Variants in PDLIM2 observed in about 807,000 individuals in gnomAD.
PDLIM2 encodes PDZ and LIM domain protein 2.
In PDLIM2, 51 loss-of-function variants were observed where a neutral mutation model predicts 54.1. The ratio of observed to expected loss-of-function variants is 0.94; its 90% CI spans 0.75 to 1.19. The LOEUF is 1.19. Among genes scored for constraint, PDLIM2 ranks in the 50% most tolerant of loss-of-function variants. The pLI is 0.00. For synonymous variants in PDLIM2, 398 were observed against 385.6 expected (o/e 1.03, Z -0.38); for missense variants, 912 against 874.0 (o/e 1.04, Z -0.55).
At chr8:22,589,208 CG>C (rs1394676002) in intron 6 of PDLIM2, 89 bp from the exon 6 acceptor site, 2 of 1,407,548 alleles carry the variant, frequency 1.4e-6, no homozygotes, top group East Asian at 2.5e-5. Flanking sequence ...CCCCTGGTGT[CG>C]GGCCTGGGAA....
intron 1 of PDLIM2, 132 bp from the exon 1 acceptor site, chr8:22,580,343 C>G (rs1800151804): frequency 1.3e-6 from 1 of 776,822 alleles, no homozygotes; most frequent in African/African-American, 1.8e-5. Context: ...CCTGGGCAGC[C>G]CCCTCCTGGG....
downstream of PDLIM2, chr8:22,594,680 C>T (rs1212976078): frequency 6.3e-7 from 1 of 1,593,820 alleles, no homozygotes; most frequent in Non-Finnish European, 8.5e-7. Context: ...ACCGGCCGCC[C>T]ACCAAGGGTT....
At chr8:22,588,887 A>G (rs1211336032) in intron 6 of PDLIM2, 1 of 258,332 alleles carries the variant, frequency 3.9e-6, no homozygotes, top group Non-Finnish European at 7.4e-6. Flanking sequence ...CCTCAGTGCA[A>G]AAGGGCAGCG....
rs1322650622 is a variant in PDLIM2 at position 22,591,328 on chromosome 8, T to G, written c.1514-223T>G. 10 of 581,176 alleles carry G rather than the reference T, an allele frequency of 1.7e-5. No homozygotes were observed. The East Asian group carries it at 2.6e-4, about 15-fold the overall frequency. The allele number at this position is 581,176 out of a possible 1,614,324, so 36.0% of individuals were successfully genotyped here. A position where few individuals can be genotyped will look rare whatever the true frequency, so the allele number is the denominator to read the frequency against. ...TGAGCACAGATGGCCCCAGGTGGCCTTGGATGGGCAAACTCGGCCTTGTAC... is the reference window on the plus strand; with the variant it reads ...TGAGCACAGATGGCCCCAGGTGGCCGTGGATGGGCAAACTCGGCCTTGTAC... On this transcript the variant is annotated intron_variant, in intron 8 of 9. Coordinates refer to ENST00000308354, the Ensembl canonical transcript of PDLIM2.
exon 1 of PDLIM2, chr8:22,579,101 G>A: frequency 7.9e-7 from 1 of 1,272,256 alleles, no homozygotes; most frequent in South Asian, 2.9e-5. Flanking sequence ...GGCGGAGGCA[G>A]GTCCGGGAGC....
At chr8:22,593,891 C>G (rs745991086) in exon 10 of PDLIM2, 2 of 1,548,982 alleles carry the variant, frequency 1.3e-6, no homozygotes, top group Admixed American at 3.9e-5. Context: ...GCACCTGCCA[C>G]CCTCAGCTCT....
exon 7 of PDLIM2, chr8:22,589,314 C>G: frequency 6.5e-7 from 1 of 1,534,118 alleles, no homozygotes; most frequent in Non-Finnish European, 8.7e-7. Flanking sequence ...CTCGGCCGCG[C>G]TGGCGACTCG....
At position 22,591,565 on chromosome 8, in the gene PDLIM2, T is replaced by G. The variant is rs760969474; in HGVS notation, c.1528T>G (p.Phe510Val). ...CCTGCCCCCAGGTGGCACGCCAGCC[T>G]TCTTGCCCAGCTCACTGAGCCCCCA... Residue 510 changes from phenylalanine to valine, a missense_variant, in exon 9 of 10, where the codon TTC becomes GTC. Coordinates refer to ENST00000308354, the Ensembl canonical transcript of PDLIM2. 7 of 1,613,544 alleles carry G rather than the reference T, an allele frequency of 4.3e-6. No homozygotes were observed. In the African/African-American group the frequency reaches 6.7e-5, roughly 15 times the overall value.
rs201578383 is a variant in PDLIM2, at chr8:22,587,369, T to TA, written c.1291-1921dup. Among the ~76,000 whole-genome samples the TA allele has an allele frequency of 1.3e-3, 200 of 152,030 alleles. 1 individual carries two copies. Among genetic ancestry groups the TA allele is most frequent in the Middle Eastern group, 3.4e-3 (1 of 294 alleles). ...CAACATAGTGAAACCCCCATCTCTT[T>TA]AAAAAAAATCGCTTATACTTGAGAG... On this transcript the variant is annotated intron_variant, in intron 6 of 9. Transcript: ENST00000308354.
chr8:22,592,004 T>G, intron 9 of PDLIM2: 1 of 198,342 alleles, frequency 5.0e-6, no homozygotes, highest in Non-Finnish European at 1.0e-5. Flanking sequence ...TTCTTCCCCC[T>G]TTGGAGCAGG....
chr8:22,594,839 C>T, downstream of PDLIM2: 2 of 833,786 alleles, frequency 2.4e-6, no homozygotes, highest in Non-Finnish European at 3.5e-6. Context: ...CTGAGGAGCC[C>T]TCCTGGAGCT....
At chr8:22,585,109 C>A in exon 5 of PDLIM2, 1 of 1,613,926 alleles carries the variant, frequency 6.2e-7, no homozygotes, top group South Asian at 1.1e-5. Context: ...GCAGCCCCTT[C>A]TCACCACCAC....
In PDLIM2 at chr8:22,589,687, C is replaced by A. The variant is rs753556781; in HGVS notation, c.1459C>A (p.Arg487=). ...AAATCGCGAGGGACGGGCGGCCCCC[C>A]GACAGTCCAGCTCCTTTCGGCTCTT... Residue 487 remains arginine (R), a synonymous_variant, in exon 8 of 10, where the codon CGA becomes AGA. Transcript: ENST00000308354. 6 of 1,575,136 alleles carry A rather than the reference C, an allele frequency of 3.8e-6. No individual in the cohort carries two copies. The South Asian group carries it at 5.8e-5, about 15-fold the overall frequency.
rs112065829 is a variant in PDLIM2, at chr8:22,583,363, G to A, written c.996-1458G>A. On this transcript the variant is annotated intron_variant, in intron 3 of 9. Coordinates refer to ENST00000308354, the Ensembl canonical transcript of PDLIM2. ...GGCACCCTGGCCTCCAGTGGGCAGG[G>A]TGCACAGCTGGCCCAGTCACCGTGG... 5.8e-3 allele frequency among the ~76,000 whole-genome samples: 890 copies of A among 152,246 alleles called. 11 individuals are homozygous for A. Among genetic ancestry groups the A allele is most frequent in the African/African-American group, 0.021 (854 of 41,540 alleles).
At chr8:22,594,057 G>T in exon 10 of PDLIM2, 1 of 1,446,112 alleles carries the variant, frequency 6.9e-7, no homozygotes, top group Non-Finnish European at 9.1e-7. Flanking sequence ...GTGGGCCAAG[G>T]TCTGGGACCT....
intron 3 of PDLIM2, 152 bp downstream of exon 2, chr8:22,581,682 T>C: frequency 8.8e-7 from 1 of 1,132,350 alleles, no homozygotes; most frequent in Non-Finnish European, 1.2e-6. Flanking sequence ...GGTCCTGGGC[T>C]CTGCTTCCTG....
exon 1 of PDLIM2, chr8:22,579,526 A>G: frequency 6.8e-7 from 1 of 1,477,272 alleles, no homozygotes; most frequent in Non-Finnish European, 8.9e-7. Context: ...ACCGGCTCAA[A>G]GGTCTGGGAA....
intron 2 of PDLIM2, chr8:22,580,940 G>T (rs763841369): frequency 1.3e-5 from 9 of 683,986 alleles, no homozygotes; most frequent in Non-Finnish European, 2.5e-5. Flanking sequence ...TGCCTCCCCA[G>T]TTGCTATCCC....
chr8:22,594,498 T>C, downstream of PDLIM2: 3 of 1,613,674 alleles, frequency 1.9e-6, no homozygotes, highest in African/African-American at 1.3e-5. Context: ...ATGTCATTCC[T>C]TAACCTTTTT....
Sources: allele counts gnomAD v4.1 joint callset (sites outside exome capture counted in the v4.1 genomes callset), GRCh38; gene constraint gnomAD v4.1.1; transcripts MANE v1.5; gene names NCBI Gene and HGNC (gene_info 2026-07-23, HGNC 2026-07-21).